Variants in KCNH7 observed in about 807,000 individuals in gnomAD.
The protein encoded by KCNH7 is potassium voltage-gated channel subfamily H member 7.
In KCNH7, 49 loss-of-function variants were observed where a neutral mutation model predicts 120.8. That is an observed-to-expected ratio of 0.41 (90% CI 0.32 to 0.51). The LOEUF is 0.51. KCNH7 is among the 20% of genes least tolerant of loss of function. KCNH7 has a pLI of 0.38. For synonymous variants in KCNH7, 547 were observed against 516.1 expected (o/e 1.06, Z -0.81); for missense variants, 1,097 against 1,446.6 (o/e 0.76, Z 3.92).
In KCNH7 at chr2:162,481,079, G is replaced by A. The variant is rs79691504; in HGVS notation, c.1128+23364C>T. ...TTCTGGCTCCTCCAGACTGGGTTAC[G>A]TGCCCCCTTTCTGCTCACAGATTGC... On this transcript the variant is annotated intron_variant, in intron 6 of 15. Coordinates refer to ENST00000332142, the MANE Select transcript of KCNH7 (RefSeq NM_033272.4). Among the ~76,000 whole-genome samples the A allele has an allele frequency of 7.0e-3, 1,065 of 152,120 alleles. 7 individuals are homozygous for A. The highest frequency in any genetic ancestry group is 0.011 in the Non-Finnish European group (766 of 67,990).
At chr2:162,676,729 G>A (rs1415073367) in intron 2 of KCNH7, among the ~76,000 whole-genome samples, 1 of 151,418 alleles carries the variant, frequency 6.6e-6, no homozygotes, top group Non-Finnish European at 1.5e-5. Flanking sequence ...AGTTACTACA[G>A]TTATGGTTTT....
chr2:162,577,429 G>GA (rs541298085), intron 2 of KCNH7, among the ~76,000 whole-genome samples: 67 of 149,576 alleles, frequency 4.5e-4, no homozygotes, highest in African/African-American at 1.5e-3. Context: ...ATAGGTAGGG[G>GA]AAAAAATCAA....
chr2:162,594,165 A>G (rs1385864), intron 2 of KCNH7, among the ~76,000 whole-genome samples: 66,059 of 151,760 alleles, frequency 0.44, 14,686 homozygotes, highest in Middle Eastern at 0.58. Context: ...GTGAGGGCAT[A>G]TCCTTTCAAG....
intron 8 of KCNH7, among the ~76,000 whole-genome samples, chr2:162,429,441 T>C (rs1340843599): frequency 6.8e-6 from 1 of 147,306 alleles, no homozygotes; most frequent in Admixed American, 6.8e-5. Context: ...TTTCGTTCCT[T>C]TGTGTTGATC....
At chr2:162,486,546 A>G (rs1690099185) in intron 6 of KCNH7, among the ~76,000 whole-genome samples, 1 of 152,166 alleles carries the variant, frequency 6.6e-6, no homozygotes, top group Admixed American at 6.5e-5. Flanking sequence ...TGAAAAAGAA[A>G]CCTATGTGAG....
chr2:162,690,840 A>T (rs949504355), intron 2 of KCNH7, among the ~76,000 whole-genome samples: 1 of 152,186 alleles, frequency 6.6e-6, no homozygotes, highest in Non-Finnish European at 1.5e-5. Context: ...TTATTTCTAC[A>T]GGGGAAGTGT....
chr2:162,458,424 C>T (rs988016638), intron 6 of KCNH7, among the ~76,000 whole-genome samples: 2 of 152,050 alleles, frequency 1.3e-5, no homozygotes, highest in East Asian at 3.9e-4. Context: ...GGTTTTGTCT[C>T]GCAGCTCCTA....
intron 2 of KCNH7, among the ~76,000 whole-genome samples, chr2:162,608,244 C>T (rs10930062): frequency 0.63 from 96,122 of 152,056 alleles, 31,840 homozygotes; most frequent in African/African-American, 0.83. Flanking sequence ...CAGAGAGAGA[C>T]TCTGTGGGAG....
chr2:162,802,241 T>C (rs1465406336), intron 2 of KCNH7, among the ~76,000 whole-genome samples: 1 of 151,786 alleles, frequency 6.6e-6, no homozygotes, highest in Non-Finnish European at 1.5e-5. Context: ...CCCAATATTA[T>C]CAAATATGAT....
intron 2 of KCNH7, among the ~76,000 whole-genome samples, chr2:162,566,632 C>A (rs758060055): frequency 6.6e-6 from 1 of 151,884 alleles, no homozygotes; most frequent in African/African-American, 2.4e-5. Context: ...TAATAAAGAC[C>A]ACATTTATTA....
At chr2:162,817,246 A>C (rs1342047682) in intron 2 of KCNH7, among the ~76,000 whole-genome samples, 37 of 152,182 alleles carry the variant, frequency 2.4e-4, no homozygotes, top group Admixed American at 2.3e-3. Flanking sequence ...CCTAGAGGCA[A>C]CTACTGTTTT....
At chr2:162,445,921 A>G (rs1283855893) in intron 7 of KCNH7, 97 bp downstream of exon 7, 2 of 931,098 alleles carry the variant, frequency 2.1e-6, no homozygotes, top group Non-Finnish European at 3.2e-6. Context: ...AGTGAGATAC[A>G]AGAAGCTTGC....
intron 5 of KCNH7, among the ~76,000 whole-genome samples, chr2:162,505,223 A>G (rs914270387): frequency 2.6e-4 from 40 of 151,972 alleles, no homozygotes; most frequent in Admixed American, 2.6e-3. Context: ...GGAATTACAG[A>G]TAAAGCTGCA....
At chr2:162,751,533 A>C (rs966925276) in intron 2 of KCNH7, among the ~76,000 whole-genome samples, 5 of 152,014 alleles carry the variant, frequency 3.3e-5, no homozygotes, top group Non-Finnish European at 7.4e-5. Flanking sequence ...AATTCATGAT[A>C]TAAAATATTA....
At chr2:162,573,556 C>A (rs932968490) in intron 2 of KCNH7, among the ~76,000 whole-genome samples, 2 of 151,944 alleles carry the variant, frequency 1.3e-5, no homozygotes, top group Non-Finnish European at 2.9e-5. Context: ...TTAGCAGATT[C>A]ATAAGATATG....
At position 162,715,548 on chromosome 2, in the gene KCNH7, T is replaced by C. The variant is rs1257413153; in HGVS notation, c.307+120989A>G. Among the ~76,000 whole-genome samples the C allele has an allele frequency of 4.6e-5, 7 of 152,326 alleles. No individual in the cohort carries two copies. The East Asian group carries it at 1.2e-3, about 25-fold the overall frequency. On this transcript the variant is annotated intron_variant, in intron 2 of 15. Transcript: ENST00000332142. ...AGCTATGCCCTTCACCAGGACTTTG[T>C]AGCTTCTTTGAACAAGATGTTGGAG...
chr2:162,384,765 GC>G lies in KCNH7; in HGVS notation c.2884del (p.Ala962HisfsTer18). The G allele has an allele frequency of 6.2e-7, 1 of 1,612,714 alleles. No homozygotes were observed. Among genetic ancestry groups the G allele is most frequent in the Non-Finnish European group, 8.5e-7 (1 of 1,179,018 alleles). On this transcript the variant is annotated frameshift_variant, in exon 13 of 16. Coordinates refer to ENST00000332142, the MANE Select transcript of KCNH7 (RefSeq NM_033272.4). LOFTEE classifies it high-confidence loss of function. ...IVDSSPGIGK[A>X]SGLDFEETVP... ...TGTTTCTTCAAAATCGAGCCCAGATGCTTTCCCTATTCCTGGAGAAGAGTCT... is the reference window on the plus strand; with the variant it reads ...TGTTTCTTCAAAATCGAGCCCAGATGTTTCCCTATTCCTGGAGAAGAGTCT...
intron 8 of KCNH7, among the ~76,000 whole-genome samples, chr2:162,427,616 A>G (rs2105501502): frequency 6.6e-6 from 1 of 152,014 alleles, no homozygotes; most frequent in South Asian, 2.1e-4. Context: ...TGATCTCGGT[A>G]TTGAAAATAT....
At chr2:162,669,976 T>G (rs1685286542) in intron 2 of KCNH7, among the ~76,000 whole-genome samples, 5 of 151,864 alleles carry the variant, frequency 3.3e-5, no homozygotes, top group Admixed American at 3.3e-4. Flanking sequence ...GGAGCGTGCC[T>G]GTAATCCCAG....
Sources: allele counts gnomAD v4.1 joint callset (sites outside exome capture counted in the v4.1 genomes callset), GRCh38; gene constraint gnomAD v4.1.1; transcripts MANE v1.5; gene names NCBI Gene and HGNC (gene_info 2026-07-23, HGNC 2026-07-21).